The following NIPBL variants were observed in gnomAD, a reference collection of about 807,000 sequenced individuals.
The protein encoded by NIPBL is nipped-B-like protein.
NIPBL carries 19 observed loss-of-function variants against 321.8 expected under a neutral mutation model. The ratio of observed to expected loss-of-function variants is 0.06; its 90% CI spans 0.04 to 0.09. The LOEUF is 0.09. NIPBL is among the 10% of genes least tolerant of loss of function. The pLI, the probability that NIPBL is intolerant of heterozygous loss-of-function variation, is 1.00. For synonymous variants in NIPBL, 1,106 were observed against 1,114.1 expected (o/e 0.99, Z 0.14); for missense variants, 2,210 against 3,327.0 (o/e 0.66, Z 8.26).
intron 4 of NIPBL, among the ~76,000 whole-genome samples, chr5:36,961,094 A>G (rs1580337332): frequency 1.3e-5 from 2 of 152,178 alleles, no homozygotes; most frequent in Admixed American, 6.5e-5. Flanking sequence ...TGAGAGATGT[A>G]TATGATAAAA....
Position 37,000,354 on chromosome 5 carries a change from C to A in NIPBL, c.3305-19C>A. 1.2e-6 allele frequency: 2 copies of A among 1,608,138 alleles called. No homozygotes were observed. Among genetic ancestry groups the A allele is most frequent in the South Asian group, 2.2e-5 (2 of 90,522 alleles). On this transcript the variant is annotated intron_variant, in intron 11 of 46. Transcript: ENST00000282516. Reference sequence around the variant, plus strand: ...TTTTTAAATGAGGTAAATTATTTGTCATGGGGATTTGCTTCTAGCCTCTAG... The same window carrying A: ...TTTTTAAATGAGGTAAATTATTTGTAATGGGGATTTGCTTCTAGCCTCTAG...
rs1215923496 is a variant in NIPBL at position 37,063,799 on chromosome 5, C to T, written c.7870C>T (p.Leu2624Phe). ...TATCTGTTTTTTGTAGTTCAAACTT[C>T]TCATGGAACATCTGGACCCTGATGA... ...IVKQYLDFKL[L>F]MEHLDPDEEE... Residue 2624 changes from leucine (L) to phenylalanine (F), a missense_variant, in exon 46 of 47, where the codon CTC becomes TTC. Leu to Phe is a conservative substitution (Grantham distance 22, BLOSUM62 0). This residue lies in a region of NIPBL where 159 missense variants were observed against 319.2 expected (regional missense o/e 0.50). Transcript: ENST00000282516. 6.2e-7 allele frequency: 1 copy of T among 1,613,376 alleles called. No homozygotes were observed. Among genetic ancestry groups the T allele is most frequent in the Non-Finnish European group, 8.5e-7 (1 of 1,179,764 alleles).
intron 1 of NIPBL, among the ~76,000 whole-genome samples, chr5:36,892,552 C>G (rs557664916): frequency 1.4e-3 from 206 of 152,108 alleles, no homozygotes; most frequent in Non-Finnish European, 2.5e-3. Flanking sequence ...TATCCAACAA[C>G]GATAGACTGG....
chr5:36,898,098 T>A (rs548550184), intron 1 of NIPBL, among the ~76,000 whole-genome samples: 28 of 152,244 alleles, frequency 1.8e-4, no homozygotes, highest in African/African-American at 6.7e-4. Flanking sequence ...CAAACACACA[T>A]ATAAAAAGAT....
intron 43 of NIPBL, 47 bp from the exon 44 acceptor site, chr5:37,058,844 T>A: frequency 6.4e-7 from 1 of 1,558,948 alleles, no homozygotes. Flanking sequence ...TTATATTTAC[T>A]AGTGGCATTT....
At chr5:36,881,681 C>T (rs937465440) in intron 1 of NIPBL, among the ~76,000 whole-genome samples, 1 of 151,828 alleles carries the variant, frequency 6.6e-6, no homozygotes, top group South Asian at 2.1e-4. Flanking sequence ...TTAATATTAT[C>T]TTTTGGGTGT....
intron 10 of NIPBL, among the ~76,000 whole-genome samples, chr5:36,988,798 A>G (rs547632152): frequency 6.6e-6 from 1 of 152,134 alleles, no homozygotes; most frequent in South Asian, 2.1e-4. Flanking sequence ...TCTTTTAAAT[A>G]TTTTACCTGA....
chr5:36,955,365 T>G, intron 2 of NIPBL, 107 bp from the exon 3 acceptor site: 1 of 946,688 alleles, frequency 1.1e-6, no homozygotes, highest in Non-Finnish European at 1.7e-6. Context: ...TTTAATAATT[T>G]GTCACATTGA....
At position 36,976,114 on chromosome 5, in the gene NIPBL, A is replaced by G. The variant is rs1743413308; in HGVS notation, c.1207A>G (p.Thr403Ala). 1.9e-6 allele frequency: 3 copies of G among 1,613,904 alleles called. No homozygotes were observed. Among genetic ancestry groups the G allele is most frequent in the African/African-American group, 1.3e-5 (1 of 74,924 alleles). The change falls in exon 9 of 47, where the codon ACA (threonine) becomes GCA (alanine). Residue 403 changes from threonine (T) to alanine (A), a missense_variant. Thr to Ala is a moderately conservative substitution (Grantham distance 58, BLOSUM62 0). Around this residue, in one of 14 missense-constraint regions of NIPBL, gnomAD observed 464 missense variants for 529.5 expected, o/e 0.88. Transcript: ENST00000282516. ...NVQYPGQTSK[T>A]PITPQDINRP... The stretch of plus-strand genomic sequence containing the variant: ...GCAGTACCCAGGACAGACTTCAAAA[A>G]CACCCATTACTCCACAAGATATAAA...
chr5:37,007,677 T>G lies in NIPBL; in HGVS notation c.4239+203T>G, dbSNP rs547242811. Among the ~76,000 whole-genome samples, 4 of 152,132 alleles carry G rather than the reference T, an allele frequency of 2.6e-5. No homozygotes were observed. In the South Asian group the frequency reaches 8.3e-4, roughly 31 times the overall value. On this transcript the variant is annotated intron_variant, in intron 18 of 46. Transcript: ENST00000282516. ...AGGAGACAAACAAATGTAGTGTAAA[T>G]TCCAAACTCTAAATTCTTTGAAAGA...
chr5:37,014,628 C>A, intron 21 of NIPBL, 55 bp from the exon 22 acceptor site: 2 of 1,033,604 alleles, frequency 1.9e-6, no homozygotes, highest in Non-Finnish European at 3.1e-6. Flanking sequence ...ACAATAGCAA[C>A]AGGGCTAACT....
chr5:36,937,627 C>A (rs1489029594), intron 1 of NIPBL, among the ~76,000 whole-genome samples: 2 of 152,070 alleles, frequency 1.3e-5, no homozygotes, highest in East Asian at 3.9e-4. Context: ...TATTAAGGAC[C>A]TTCTCCATTA....
intron 43 of NIPBL, 106 bp from the exon 44 acceptor site, chr5:37,058,785 T>C: frequency 1.1e-6 from 1 of 949,368 alleles, no homozygotes; most frequent in Non-Finnish European, 1.6e-6. Flanking sequence ...AAGAGGTTTA[T>C]AAAATATTAG....
chr5:36,896,994 T>C (rs950818744), intron 1 of NIPBL, among the ~76,000 whole-genome samples: 1 of 151,168 alleles, frequency 6.6e-6, no homozygotes, highest in Admixed American at 6.6e-5. Flanking sequence ...GTAAATGGAA[T>C]AGACTTTTAT....
At chr5:36,888,602 A>G (rs1484466267) in intron 1 of NIPBL, among the ~76,000 whole-genome samples, 1 of 152,152 alleles carries the variant, frequency 6.6e-6, no homozygotes, top group African/African-American at 2.4e-5. Context: ...GGGATATGAT[A>G]CCATTCAGGT....
intron 10 of NIPBL, among the ~76,000 whole-genome samples, chr5:36,988,470 G>A (rs2149650631): frequency 6.6e-6 from 1 of 151,790 alleles, no homozygotes; most frequent in East Asian, 1.9e-4. Context: ...CTATCTTTTG[G>A]ATTAATTTAT....
At position 36,920,542 on chromosome 5, in the gene NIPBL, A is replaced by G. The variant is rs112790454; in HGVS notation, c.-79-33076A>G. 2.6e-4 allele frequency among the ~76,000 whole-genome samples: 40 copies of G among 152,326 alleles called. 1 individual carries two copies. The highest frequency in any genetic ancestry group is 9.6e-4 in the African/African-American group (40 of 41,580). On this transcript the variant is annotated intron_variant, in intron 1 of 46. Coordinates refer to ENST00000282516, the MANE Select transcript of NIPBL (RefSeq NM_133433.4). Reference sequence around the variant, plus strand: ...TTTGATAAGAAAGCACTAATATAGAACAAGAAACAGTGTTCTGAAATGAAA... The same window carrying G: ...TTTGATAAGAAAGCACTAATATAGAGCAAGAAACAGTGTTCTGAAATGAAA...
intron 9 of NIPBL, among the ~76,000 whole-genome samples, chr5:36,978,085 T>A (rs72736704): frequency 0.017 from 2,644 of 152,116 alleles, 32 homozygotes; most frequent in Middle Eastern, 0.044. Context: ...AGGTGTCTTT[T>A]TTATAAAGTA....
At chr5:36,961,458 G>A (rs753504121) in intron 4 of NIPBL, 26 bp from the exon 5 acceptor site, 6 of 1,291,918 alleles carry the variant, frequency 4.6e-6, no homozygotes, top group East Asian at 2.3e-5. Context: ...AGAAAATAAC[G>A]TTCTGTATTT....
Sources: gnomAD v4.1 joint callset for allele counts (sites outside exome capture counted in the v4.1 genomes callset) on GRCh38, gnomAD v4.1.1 for gene constraint, gnomAD v4.1.1 regional missense constraint, MANE v1.5 for transcripts, NCBI Gene and HGNC (gene_info 2026-07-23, HGNC 2026-07-21) for gene names.